Variants in ATG10 observed in about 807,000 individuals in gnomAD.
ATG10 encodes the protein autophagy related 10.
In ATG10, 30 loss-of-function variants were observed where a neutral mutation model predicts 32.1. The ratio of observed to expected loss-of-function variants is 0.94; its 90% confidence interval spans 0.70 to 1.27. The LOEUF is 1.27. Ranked by LOEUF, ATG10 falls within the 50% of genes most tolerant of loss-of-function variation. ATG10 has a pLI of 0.00. For synonymous variants in ATG10, 87 were observed against 91.5 expected, an observed-to-expected ratio of 0.95 and a Z score of 0.28; for missense variants, 233 against 262.3, an observed-to-expected ratio of 0.89 and a Z score of 0.77.
chr5:82,092,899 G>A (rs910428171), intron 3 of ATG10, among the ~76,000 whole-genome samples: 5 of 152,066 alleles, frequency 3.3e-5, no homozygotes, highest in Admixed American at 1.3e-4. Context: ...ATATCCAAAT[G>A]TTCTACCTGA....
intron 5 of ATG10, among the ~76,000 whole-genome samples, chr5:82,185,327 G>A (rs1744406351): frequency 6.6e-6 from 1 of 152,188 alleles, no homozygotes; most frequent in Admixed American, 6.5e-5. Context: ...GATTCCATAT[G>A]TCTGGGAAAG....
chr5:82,063,041 A>G (rs1039894701), intron 3 of ATG10, among the ~76,000 whole-genome samples: 4 of 152,126 alleles, frequency 2.6e-5, no homozygotes, highest in Non-Finnish European at 4.4e-5. Context: ...TCAGATGGCC[A>G]GGTATGGTGG....
intron 3 of ATG10, among the ~76,000 whole-genome samples, chr5:82,080,387 T>G (rs889928386): frequency 2.0e-5 from 3 of 152,248 alleles, no homozygotes; most frequent in Admixed American, 2.0e-4. Flanking sequence ...TTTGTCTATT[T>G]TGGCTTTTGT....
intron 2 of ATG10, among the ~76,000 whole-genome samples, chr5:82,046,206 A>G (rs567715463): frequency 1.8e-4 from 27 of 152,312 alleles, no homozygotes; most frequent in African/African-American, 6.5e-4. Flanking sequence ...ATTGAGTTGA[A>G]TAATGTCTCC....
In ATG10 at chr5:82,255,111, G is replaced by A. The variant is rs937525067; in HGVS notation, c.*1048G>A. The A allele has an allele frequency of 7.2e-5, 11 of 152,028 alleles. No homozygotes were observed. The highest frequency in any genetic ancestry group is 1.2e-4 in the Non-Finnish European group (8 of 68,010). 9.4% of individuals were successfully genotyped at this position (152,028 alleles called of 1,614,324 possible). A position where few individuals can be genotyped will look rare whatever the true frequency, so the allele number is the denominator to read the frequency against. On this transcript the variant is annotated 3_prime_UTR_variant, in exon 8 of 8. Transcript: ENST00000282185. The stretch of plus-strand genomic sequence containing the variant: ...AAAACAATGGTCATTTTACCCCTCT[G>A]CTTCTCAACCCCACAGCTGCTCTGC...
At chr5:82,057,632 G>A (rs1391177868) in intron 2 of ATG10, among the ~76,000 whole-genome samples, 2 of 152,032 alleles carry the variant, frequency 1.3e-5, no homozygotes, top group East Asian at 3.8e-4. Flanking sequence ...ATATTTATTG[G>A]CATGTATGTT....
At chr5:82,130,998 C>A (rs1766496246) in intron 3 of ATG10, among the ~76,000 whole-genome samples, 1 of 152,056 alleles carries the variant, frequency 6.6e-6, no homozygotes, top group Non-Finnish European at 1.5e-5. Flanking sequence ...TACATTTTCT[C>A]ACTTATAATT....
rs1216328982 is a variant in ATG10, at chr5:82,024,856, G to C, written c.109-33639G>C. 2.6e-5 allele frequency among the ~76,000 whole-genome samples: 4 copies of C among 152,332 alleles called. 1 individual carries two copies. In the East Asian group the frequency reaches 7.7e-4, roughly 29 times the overall value. On this transcript the variant is annotated intron_variant, in intron 2 of 7. Coordinates refer to ENST00000282185, the MANE Select transcript of ATG10 (RefSeq NM_031482.5). The stretch of plus-strand genomic sequence containing the variant: ...GTGACCACTGAGTGGAGTTGGTGTT[G>C]ACATTCTCGTATGAAAATTAGCAAG...
At chr5:82,211,769 G>A (rs112048366) in intron 5 of ATG10, among the ~76,000 whole-genome samples, 10 of 152,220 alleles carry the variant, frequency 6.6e-5, no homozygotes, top group Admixed American at 2.0e-4. Context: ...CAACTCTAGC[G>A]TCCCCCAACT....
At chr5:82,129,111 A>T (rs1434820388) in intron 3 of ATG10, among the ~76,000 whole-genome samples, 2 of 151,304 alleles carry the variant, frequency 1.3e-5, no homozygotes, top group Non-Finnish European at 2.9e-5. Context: ...TCAATCTCTG[A>T]TATCCTTTCT....
At chr5:82,240,658 T>C (rs1183291584) in intron 5 of ATG10, among the ~76,000 whole-genome samples, 1 of 152,168 alleles carries the variant, frequency 6.6e-6, no homozygotes, top group Non-Finnish European at 1.5e-5. Flanking sequence ...AAGAGTAGAT[T>C]TGGAATGTTC....
chr5:82,048,728 AG>A (rs1763304935), intron 2 of ATG10, among the ~76,000 whole-genome samples: 1 of 152,198 alleles, frequency 6.6e-6, no homozygotes, highest in East Asian at 1.9e-4. Flanking sequence ...CCCATCAAAA[AG>A]TGGGCGAAGG....
chr5:82,124,500 C>T (rs932731827), intron 3 of ATG10, among the ~76,000 whole-genome samples: 9 of 151,560 alleles, frequency 5.9e-5, no homozygotes, highest in Admixed American at 2.0e-4. Context: ...CTCCCTGTGC[C>T]GTGCATTCTG....
At chr5:82,118,372 CATATA>C (rs1223944158) in intron 3 of ATG10, among the ~76,000 whole-genome samples, 2 of 44,112 alleles carry the variant, frequency 4.5e-5, no homozygotes, top group East Asian at 3.3e-4. Flanking sequence ...TACAAATATA[CATATA>C]ATATATGTAC....
intron 3 of ATG10, among the ~76,000 whole-genome samples, chr5:82,139,708 G>A (rs1346723353): frequency 7.0e-6 from 1 of 142,562 alleles, no homozygotes; most frequent in African/African-American, 2.7e-5. Context: ...CCGGGAGGGA[G>A]GTGGGGGGGG....
chr5:82,176,331 T>C (rs1185076608), intron 4 of ATG10, among the ~76,000 whole-genome samples: 1 of 152,192 alleles, frequency 6.6e-6, no homozygotes, highest in Non-Finnish European at 1.5e-5. Context: ...AGTTCAGTCA[T>C]GAACCGGCTG....
intron 5 of ATG10, among the ~76,000 whole-genome samples, chr5:82,179,278 T>C (rs1280114986): frequency 6.6e-6 from 1 of 152,162 alleles, no homozygotes; most frequent in Admixed American, 6.6e-5. Flanking sequence ...AGGCAGACCA[T>C]GTCTCTTTTA....
intron 3 of ATG10, among the ~76,000 whole-genome samples, chr5:82,112,043 AT>A (rs1189287047): frequency 6.6e-6 from 1 of 151,738 alleles, no homozygotes; most frequent in African/African-American, 2.4e-5. Context: ...TCAGAAAGAA[AT>A]TTTTTTTCTG....
At position 82,184,230 on chromosome 5, in the gene ATG10, A is replaced by G. The variant is rs377109360; in HGVS notation, c.453+5643A>G. On this transcript the variant is annotated intron_variant, in intron 5 of 7. Transcript: ENST00000282185. ...CTGTGTCTTAGTTTGATTTTCCATT[A>G]GAGGTTACAGTAGCATCTACACAGA... is the stretch of plus-strand genomic sequence containing the variant. Among the ~76,000 whole-genome samples, 369 of 152,296 alleles carry G rather than the reference A, an allele frequency of 2.4e-3. 15 individuals carry two copies. In the South Asian group the frequency reaches 0.064, roughly 26 times the overall value.
Sources: allele counts gnomAD v4.1 joint callset (sites outside exome capture counted in the v4.1 genomes callset), GRCh38; gene constraint gnomAD v4.1.1; transcripts MANE v1.5; gene names NCBI Gene and HGNC (gene_info 2026-07-23, HGNC 2026-07-21).